Variants in POU3F3 observed in about 807,000 individuals in gnomAD.
POU3F3 encodes POU class 3 homeobox 3.
A neutral mutation model predicts 8.6 loss-of-function variants in POU3F3; 1 was observed. The ratio of observed to expected loss-of-function variants is 0.12; its 90% confidence interval spans 0.04 to 0.55. The LOEUF (loss-of-function observed/expected upper bound fraction) is 0.55, where lower values mean the gene tolerates loss of function less well. Among genes scored for constraint, POU3F3 ranks in the 20% least tolerant of loss-of-function variants. The pLI, the probability that POU3F3 is intolerant of heterozygous loss-of-function variation, is 0.91. For missense variants in POU3F3, 577 were observed against 690.7 expected (o/e 0.84, Z 1.84); for synonymous variants, 418 against 327.4 (o/e 1.28, Z -2.99).
In POU3F3 at chr2:104,856,360, C is replaced by G. The variant is rs1386379423; in HGVS notation, c.850C>G (p.His284Asp). Residue 284 changes from histidine (H) to aspartate (D), a missense_variant, in exon 1 of 1, where the codon CAC (histidine) becomes GAC (aspartate). Around this residue, in one of 7 missense-constraint regions of POU3F3, gnomAD observed 484 missense variants for 422.6 expected, o/e 1.15. Transcript: ENST00000361360. ...CCACCACGCGCATCCTCACCCGCCG[C>G]ACCCGCACCACGCGCAGGGACCCCC... ...HHHHAHPHPPHPHHAQGPPHH... is the reference protein window; with the variant it reads ...HHHHAHPHPPDPHHAQGPPHH... 6.5e-7 allele frequency: 1 copy of G among 1,529,396 alleles called. No homozygotes were observed. Among genetic ancestry groups the G allele is most frequent in the Non-Finnish European group, 8.8e-7 (1 of 1,142,196 alleles). 94.7% of individuals were successfully genotyped at this position (1,529,396 alleles called of 1,614,324 possible).
chr2:104,887,984 G>A, the POU3F3 span, among the ~76,000 whole-genome samples: 1 of 152,184 alleles, frequency 6.6e-6, no homozygotes, highest in South Asian at 2.1e-4. Context: ...TCTTTTGTAG[G>A]AACACTGCAA....
chr2:104,916,499 CACA>C, the POU3F3 span, among the ~76,000 whole-genome samples: 1 of 152,156 alleles, frequency 6.6e-6, no homozygotes, highest in Non-Finnish European at 1.5e-5. Context: ...TGTCTCAAAA[CACA>C]ACAAGGGCTG....
the POU3F3 span, among the ~76,000 whole-genome samples, chr2:104,915,325 GAGA>G: frequency 6.6e-6 from 1 of 152,184 alleles, no homozygotes; most frequent in Middle Eastern, 3.2e-3. Context: ...TGAGACAACT[GAGA>G]AGTTCAACCA....
At chr2:104,874,338 C>T in the POU3F3 span, among the ~76,000 whole-genome samples, 25 of 152,190 alleles carry the variant, frequency 1.6e-4, no homozygotes, top group African/African-American at 5.8e-4. Context: ...GGGACTGGAG[C>T]TTGAGGAGGC....
At chr2:104,925,115 C>T in the POU3F3 span, among the ~76,000 whole-genome samples, 1 of 152,138 alleles carries the variant, frequency 6.6e-6, no homozygotes, top group African/African-American at 2.4e-5. Context: ...TACCTTGGAG[C>T]AATCTAGGGT....
chr2:104,876,537 A>G, the POU3F3 span, among the ~76,000 whole-genome samples: 2 of 152,214 alleles, frequency 1.3e-5, no homozygotes, highest in Admixed American at 1.3e-4. Context: ...TGTATCTACA[A>G]AATGTTCTAT....
the POU3F3 span, among the ~76,000 whole-genome samples, chr2:104,893,046 G>A: frequency 3.3e-5 from 5 of 152,146 alleles, no homozygotes; most frequent in Non-Finnish European, 7.4e-5. Context: ...AATGTGTAAG[G>A]AGAGGGTGGC....
chr2:104,889,312 ACT>A, the POU3F3 span, among the ~76,000 whole-genome samples: 2 of 152,088 alleles, frequency 1.3e-5, no homozygotes, highest in Non-Finnish European at 2.9e-5. Context: ...GGAAACAGGG[ACT>A]CTCTGCAAAG....
the POU3F3 span, among the ~76,000 whole-genome samples, chr2:104,904,341 A>G: frequency 6.6e-6 from 1 of 152,166 alleles, no homozygotes; most frequent in Non-Finnish European, 1.5e-5. Flanking sequence ...AGTCTATCAT[A>G]TGTCACCAAC....
the POU3F3 span, among the ~76,000 whole-genome samples, chr2:104,881,679 A>C: frequency 1.4e-4 from 22 of 152,356 alleles, no homozygotes; most frequent in African/African-American, 5.3e-4. Flanking sequence ...AAACTAATAC[A>C]TTTACTAAAT....
the POU3F3 span, among the ~76,000 whole-genome samples, chr2:104,891,914 A>T: frequency 6.6e-6 from 1 of 152,224 alleles, no homozygotes; most frequent in Non-Finnish European, 1.5e-5. Flanking sequence ...TGGTTGGATA[A>T]ATACATTATT....
chr2:104,918,880 C>CTT, the POU3F3 span, among the ~76,000 whole-genome samples: 900 of 141,270 alleles, frequency 6.4e-3, 6 homozygotes, highest in African/African-American at 0.012. Flanking sequence ...CATGAAAACA[C>CTT]TTTTTTTTTT....
At chr2:104,879,359 GCA>G in the POU3F3 span, among the ~76,000 whole-genome samples, 1 of 152,140 alleles carries the variant, frequency 6.6e-6, no homozygotes, top group South Asian at 2.1e-4. Flanking sequence ...TAAAACAGCT[GCA>G]CAGTCTTCCG....
the POU3F3 span, among the ~76,000 whole-genome samples, chr2:104,883,293 C>A: frequency 6.6e-6 from 1 of 152,256 alleles, no homozygotes. Flanking sequence ...TCCCCCCAGG[C>A]ACATCGCAGC....
chr2:104,876,410 C>T, the POU3F3 span, among the ~76,000 whole-genome samples: 22 of 152,278 alleles, frequency 1.4e-4, no homozygotes, highest in African/African-American at 5.1e-4. Flanking sequence ...GGCTGTCATT[C>T]CATGCCTGGA....
chr2:104,888,384 C>T, the POU3F3 span, among the ~76,000 whole-genome samples: 3 of 152,152 alleles, frequency 2.0e-5, no homozygotes, highest in African/African-American at 7.2e-5. Flanking sequence ...GATAGAAGGG[C>T]AGCTGGGACC....
chr2:104,868,129 G>A, the POU3F3 span: 2 of 379,868 alleles, frequency 5.3e-6, no homozygotes, highest in South Asian at 1.9e-5. Context: ...AAATCACCCG[G>A]ATGACCTCCA....
chr2:104,880,867 A>G, the POU3F3 span, among the ~76,000 whole-genome samples: 4 of 152,254 alleles, frequency 2.6e-5, no homozygotes, highest in Admixed American at 2.6e-4. Flanking sequence ...GGGCTATTCC[A>G]CTAGATAAAC....
the POU3F3 span, among the ~76,000 whole-genome samples, chr2:104,880,523 G>C: frequency 3.5e-4 from 54 of 152,262 alleles, 1 homozygote; most frequent in African/African-American, 1.3e-3. Flanking sequence ...CTGCAGTGGA[G>C]ATCCTTGGCC....
Sources: gnomAD v4.1 joint callset for allele counts (sites outside exome capture counted in the v4.1 genomes callset) on GRCh38, gnomAD v4.1.1 for gene constraint, gnomAD v4.1.1 regional missense constraint, MANE v1.5 for transcripts, NCBI Gene and HGNC (gene_info 2026-07-23, HGNC 2026-07-21) for gene names.